Variants in GALNT13 observed in about 807,000 individuals in gnomAD.
The protein encoded by GALNT13 is UDP-GalNAc:polypeptide N-acetylgalactosaminyltransferase 13.
GALNT13 carries 28 observed loss-of-function variants against 64.2 expected under a neutral mutation model. The ratio of observed to expected loss-of-function variants is 0.44; its 90% CI spans 0.32 to 0.60. GALNT13 has a LOEUF of 0.60. Among genes scored for constraint, GALNT13 ranks in the 20% least tolerant of loss-of-function variants. The probability of loss-of-function intolerance (pLI) is 0.05; values close to 1 mark genes in which losing one functional copy is unlikely to be tolerated. For synonymous variants in GALNT13, 214 were observed against 224.6 expected, an observed-to-expected ratio of 0.95 and a Z score of 0.42; for missense variants, 577 against 669.8, an observed-to-expected ratio of 0.86 and a Z score of 1.53.
chr2:153,333,620 G>A, the GALNT13 span, among the ~76,000 whole-genome samples: 6 of 152,102 alleles, frequency 3.9e-5, no homozygotes, highest in South Asian at 2.1e-4. Context: ...GATCTGTGCC[G>A]TTACATAACT....
At chr2:153,631,781 T>C in the GALNT13 span, among the ~76,000 whole-genome samples, 4 of 152,232 alleles carry the variant, frequency 2.6e-5, no homozygotes, top group Non-Finnish European at 5.9e-5. Flanking sequence ...GATGGTAGTT[T>C]CTTTTGCTGT....
the GALNT13 span, among the ~76,000 whole-genome samples, chr2:153,646,980 G>T: frequency 2.0e-5 from 3 of 152,180 alleles, no homozygotes; most frequent in African/African-American, 7.2e-5. Flanking sequence ...TATATACCCA[G>T]TAATGGGATG....
upstream of GALNT13, among the ~76,000 whole-genome samples, chr2:153,871,205 T>G (rs1685903527): frequency 6.6e-6 from 1 of 152,196 alleles, no homozygotes; most frequent in Admixed American, 6.5e-5. Flanking sequence ...ATATCATACC[T>G]ACTTGCCTGA....
chr2:153,111,623 A>G, the GALNT13 span, among the ~76,000 whole-genome samples: 1 of 152,098 alleles, frequency 6.6e-6, no homozygotes, highest in Non-Finnish European at 1.5e-5. Context: ...TCTCAGCTCA[A>G]TTTGGGTACA....
the GALNT13 span, among the ~76,000 whole-genome samples, chr2:153,302,573 A>G: frequency 2.0e-5 from 3 of 152,094 alleles, no homozygotes; most frequent in Admixed American, 1.3e-4. Flanking sequence ...TTTTAGTTCT[A>G]TGTAATCCCA....
the GALNT13 span, among the ~76,000 whole-genome samples, chr2:153,694,196 C>T: frequency 0.016 from 2,500 of 152,184 alleles, 57 homozygotes; most frequent in African/African-American, 0.056. Context: ...AACTCAGTTA[C>T]GAAGTTTAAC....
At chr2:153,456,139 T>C in the GALNT13 span, among the ~76,000 whole-genome samples, 1 of 152,100 alleles carries the variant, frequency 6.6e-6, no homozygotes, top group South Asian at 2.1e-4. Flanking sequence ...CCATTGGTGG[T>C]TTAGGAAAAG....
At chr2:154,069,304 A>G (rs911690524) in intron 3 of GALNT13, among the ~76,000 whole-genome samples, 6 of 152,036 alleles carry the variant, frequency 3.9e-5, no homozygotes, top group Admixed American at 2.0e-4. Context: ...ATGTTCAACC[A>G]TAGATACAAA....
At chr2:153,170,025 G>A in the GALNT13 span, among the ~76,000 whole-genome samples, 8 of 152,278 alleles carry the variant, frequency 5.3e-5, no homozygotes, top group African/African-American at 1.9e-4. Context: ...AATTTAATTA[G>A]TAAGTATGAG....
the GALNT13 span, among the ~76,000 whole-genome samples, chr2:153,837,516 T>C: frequency 2.0e-5 from 3 of 152,132 alleles, no homozygotes; most frequent in African/African-American, 7.2e-5. Context: ...TTTGCCTTTC[T>C]GTTTCTGGCT....
chr2:154,017,947 G>A (rs16835647), intron 3 of GALNT13, among the ~76,000 whole-genome samples: 8,620 of 152,094 alleles, frequency 0.057, 340 homozygotes, highest in South Asian at 0.11. Context: ...TTTTTGACAC[G>A]TCCACTGCTT....
chr2:153,830,854 T>C, the GALNT13 span, among the ~76,000 whole-genome samples: 37 of 152,164 alleles, frequency 2.4e-4, no homozygotes, highest in Admixed American at 2.0e-4. Context: ...GCTCTTTATA[T>C]GTGTTTACGT....
the GALNT13 span, among the ~76,000 whole-genome samples, chr2:153,451,159 C>G: frequency 6.6e-6 from 1 of 151,988 alleles, no homozygotes; most frequent in Admixed American, 6.6e-5. Flanking sequence ...TAAAAATAAT[C>G]TAATTTATAA....
intron 3 of GALNT13, among the ~76,000 whole-genome samples, chr2:153,977,256 T>TA (rs1694135935): frequency 6.6e-6 from 1 of 152,206 alleles, no homozygotes; most frequent in South Asian, 2.1e-4. Context: ...ATTTTATGTC[T>TA]AGCATTACCA....
At chr2:153,321,747 G>A in the GALNT13 span, among the ~76,000 whole-genome samples, 8 of 152,192 alleles carry the variant, frequency 5.3e-5, no homozygotes, top group Non-Finnish European at 1.0e-4. Context: ...GCATACATGG[G>A]TGCTGGGCAG....
chr2:153,678,063 GAAAAAAC>G, the GALNT13 span, among the ~76,000 whole-genome samples: 2 of 116,412 alleles, frequency 1.7e-5, no homozygotes, highest in Non-Finnish European at 4.5e-5. Flanking sequence ...TCTGCTAAGT[GAAAAAAC>G]AAAAAAACAA....
chr2:153,366,691 A>T, the GALNT13 span, among the ~76,000 whole-genome samples: 5 of 149,910 alleles, frequency 3.3e-5, no homozygotes, highest in East Asian at 9.8e-4. Context: ...CTCAGAGAAC[A>T]TGAAACAGGG....
the GALNT13 span, among the ~76,000 whole-genome samples, chr2:153,131,502 T>C: frequency 3.8e-4 from 58 of 151,750 alleles, no homozygotes; most frequent in African/African-American, 1.4e-3. Context: ...AACTGGAGGA[T>C]GGCCACGTGC....
At chr2:153,291,273 T>C in the GALNT13 span, among the ~76,000 whole-genome samples, 1 of 152,154 alleles carries the variant, frequency 6.6e-6, no homozygotes, top group Non-Finnish European at 1.5e-5. Context: ...CAGAAGCTAT[T>C]TTTATTATTT....
Sources: allele counts gnomAD v4.1 joint callset (sites outside exome capture counted in the v4.1 genomes callset), GRCh38; gene constraint gnomAD v4.1.1; transcripts MANE v1.5; gene names NCBI Gene and HGNC (gene_info 2026-07-23, HGNC 2026-07-21).